Variants in MAD1L1 observed in about 807,000 individuals in gnomAD.
MAD1L1 encodes the protein mitotic arrest deficient 1 like 1, also known as mitotic spindle assembly checkpoint protein MAD1.
In MAD1L1, 95 loss-of-function variants were observed where a neutral mutation model predicts 96.9. The observed-to-expected ratio is 0.98, with a 90% CI of 0.83 to 1.16. MAD1L1 has a LOEUF of 1.16. Among genes scored for constraint, MAD1L1 ranks in the 50% most tolerant of loss-of-function variants. The pLI, the probability that MAD1L1 is intolerant of heterozygous loss-of-function variation, is 0.00. For missense variants in MAD1L1, 1,007 were observed against 954.4 expected, an observed-to-expected ratio of 1.06 and a Z score of -0.73; for synonymous variants, 473 against 396.6, an observed-to-expected ratio of 1.19 and a Z score of -2.29.
chr7:1,931,721 G>C (rs1446230469), intron 17 of MAD1L1, among the ~76,000 whole-genome samples: 1 of 151,922 alleles, frequency 6.6e-6, no homozygotes, highest in East Asian at 1.9e-4. Context: ...TTCAGATCAG[G>C]CCTCAGCTCC....
intron 13 of MAD1L1, among the ~76,000 whole-genome samples, chr7:2,006,193 G>A (rs922103193): frequency 3.9e-5 from 6 of 152,100 alleles, no homozygotes; most frequent in Admixed American, 1.3e-4. Context: ...GAACACAGAC[G>A]AGCAGGCCCT....
At chr7:1,860,933 C>T (rs906641626) in intron 18 of MAD1L1, among the ~76,000 whole-genome samples, 2 of 152,204 alleles carry the variant, frequency 1.3e-5, no homozygotes, top group Non-Finnish European at 2.9e-5. Flanking sequence ...AATCTCCCAC[C>T]CAGTTCTGGG....
At chr7:2,166,665 CCA>C (rs1790443709) in intron 10 of MAD1L1, among the ~76,000 whole-genome samples, 1 of 152,240 alleles carries the variant, frequency 6.6e-6, no homozygotes, top group Admixed American at 6.5e-5. Context: ...TGGGATGCAA[CCA>C]CACACAAGCA....
chr7:2,071,629 C>G (rs908606035), intron 11 of MAD1L1, among the ~76,000 whole-genome samples: 4 of 152,200 alleles, frequency 2.6e-5, no homozygotes, highest in African/African-American at 7.2e-5. Flanking sequence ...CACCCCTAAG[C>G]TGGGGAAGGA....
chr7:1,850,815 G>A lies in MAD1L1; in HGVS notation c.1999-34587C>T, dbSNP rs533485073. ...ACACATGTTCACTGCAGGCCAGACCGTGCACAGAGCAGCCTCAGAACTAGG... is the reference window on the plus strand; with the variant it reads ...ACACATGTTCACTGCAGGCCAGACCATGCACAGAGCAGCCTCAGAACTAGG... On this transcript the variant is annotated intron_variant, in intron 18 of 18. Transcript: ENST00000265854. Among the ~76,000 whole-genome samples, 4 of 152,206 alleles carry A rather than the reference G, an allele frequency of 2.6e-5. No homozygotes were observed. The East Asian group carries it at 5.8e-4, about 22-fold the overall frequency.
intron 18 of MAD1L1, among the ~76,000 whole-genome samples, chr7:1,897,120 G>A (rs1490926753): frequency 7.2e-6 from 1 of 138,660 alleles, no homozygotes; most frequent in Non-Finnish European, 1.5e-5. Context: ...AGCGCAGGCT[G>A]TGAAGACGGG....
chr7:1,923,539 A>G (rs1788923447), intron 17 of MAD1L1, among the ~76,000 whole-genome samples: 1 of 127,230 alleles, frequency 7.9e-6, no homozygotes, highest in Non-Finnish European at 1.8e-5. Context: ...CTGCGGAGGT[A>G]CAGCCACAGC....
chr7:1,829,305 C>T (rs1782585483), intron 18 of MAD1L1, among the ~76,000 whole-genome samples: 2 of 152,068 alleles, frequency 1.3e-5, no homozygotes, highest in African/African-American at 2.4e-5. Flanking sequence ...TCACAGCAGC[C>T]GTGACTTCTG....
chr7:1,984,747 G>C (rs1378350195), intron 14 of MAD1L1, among the ~76,000 whole-genome samples: 1 of 152,218 alleles, frequency 6.6e-6, no homozygotes, highest in Non-Finnish European at 1.5e-5. Context: ...AATCCAATCA[G>C]GAAGTCCTTT....
At chr7:1,954,508 G>C (rs1380796919) in intron 16 of MAD1L1, among the ~76,000 whole-genome samples, 1 of 152,186 alleles carries the variant, frequency 6.6e-6, no homozygotes, top group Non-Finnish European at 1.5e-5. Flanking sequence ...AGGAGGTGGG[G>C]ACAGGGGTGG....
At chr7:2,187,988 G>A (rs1791540012) in intron 10 of MAD1L1, among the ~76,000 whole-genome samples, 2 of 152,284 alleles carry the variant, frequency 1.3e-5, no homozygotes, top group Non-Finnish European at 2.9e-5. Context: ...CAAGCTTGAT[G>A]GATTCCTAAC....
In MAD1L1 at chr7:2,069,241, C is replaced by T. The variant is rs1412116610; in HGVS notation, c.1171G>A (p.Glu391Lys). ...TTCTGGAGCCTCCGGGCCAGCGCCT[C>T]GTGGGTCTCGCGCTTCTTCCTCTCC... The part of the protein sequence containing the change: ...LEERKKRETH[E>K]ALARRLQKRV... The change falls in exon 12 of 19, where the codon GAG (glutamate) becomes AAG (lysine). Residue 391 changes from glutamate (E) to lysine (K), a missense_variant. Physicochemically the swap from Glu to Lys is moderately conservative, Grantham distance 56. Coordinates refer to ENST00000265854, the MANE Select transcript of MAD1L1 (RefSeq NM_001013836.2). The T allele has an allele frequency of 3.1e-6, 5 of 1,611,550 alleles. No individual in the cohort carries two copies. The highest frequency in any genetic ancestry group is 2.2e-5 in the East Asian group (1 of 44,742).
At chr7:1,887,839 C>T (rs1436357026) in intron 18 of MAD1L1, among the ~76,000 whole-genome samples, 5 of 60,584 alleles carry the variant, frequency 8.3e-5, no homozygotes, top group Admixed American at 2.0e-4. Flanking sequence ...ATGTATGTGG[C>T]GTCCTGTGCG....
intron 14 of MAD1L1, among the ~76,000 whole-genome samples, chr7:1,999,195 C>A (rs1781685967): frequency 6.6e-6 from 1 of 152,220 alleles, no homozygotes; most frequent in Admixed American, 6.5e-5. Context: ...CCCCTGCAAA[C>A]TACATCAGCA....
intron 17 of MAD1L1, among the ~76,000 whole-genome samples, chr7:1,934,577 G>C (rs986576829): frequency 6.7e-6 from 1 of 149,704 alleles, no homozygotes; most frequent in Non-Finnish European, 1.5e-5. Flanking sequence ...ACAAACACAC[G>C]AGCGAACCCG....
At chr7:2,105,552 C>T (rs1029983598) in intron 11 of MAD1L1, among the ~76,000 whole-genome samples, 4 of 152,154 alleles carry the variant, frequency 2.6e-5, no homozygotes, top group Admixed American at 2.6e-4. Context: ...TGCTCCTACA[C>T]TGCCCTGAAG....
intron 18 of MAD1L1, among the ~76,000 whole-genome samples, chr7:1,897,427 C>T (rs754834330): frequency 6.6e-6 from 1 of 152,152 alleles, no homozygotes; most frequent in Non-Finnish European, 1.5e-5. Flanking sequence ...GACGGGGCCA[C>T]GAGGTCATGC....
At chr7:2,206,767 C>T (rs1467971860) in intron 10 of MAD1L1, among the ~76,000 whole-genome samples, 3 of 152,168 alleles carry the variant, frequency 2.0e-5, no homozygotes, top group African/African-American at 4.8e-5. Context: ...TTTATAGGTA[C>T]TTTACATTCC....
intron 12 of MAD1L1, among the ~76,000 whole-genome samples, chr7:2,063,798 A>C (rs2128525270): frequency 6.6e-6 from 1 of 152,198 alleles, no homozygotes; most frequent in South Asian, 2.1e-4. Flanking sequence ...CTCCTTCATG[A>C]TCCACGGGCC....
Sources: gnomAD v4.1 joint callset for allele counts (sites outside exome capture counted in the v4.1 genomes callset) on GRCh38, gnomAD v4.1.1 for gene constraint, MANE v1.5 for transcripts, NCBI Gene and HGNC (gene_info 2026-07-23, HGNC 2026-07-21) for gene names.